Variants in VEGFA observed in about 807,000 individuals in gnomAD.
VEGFA encodes the protein vascular endothelial growth factor A.
A neutral mutation model predicts 49.7 loss-of-function variants in VEGFA; 20 were observed. The observed-to-expected ratio is 0.40, with a 90% CI of 0.28 to 0.58. The LOEUF is 0.58. VEGFA is among the 20% of genes least tolerant of loss of function. The pLI is 0.40. For synonymous variants in VEGFA, 219 were observed against 223.4 expected (o/e 0.98, Z 0.18); for missense variants, 505 against 553.5 (o/e 0.91, Z 0.88).
chr6:43,786,259 ATCTC>A lies in VEGFA; in HGVS notation c.*1702_*1705del, dbSNP rs1335108170. ...AAAAATAGAGAATTCTACATACTAA[ATCTC>A]TCTCCTTTTTTAATTTTAATATTTG... On this transcript the variant is annotated 3_prime_UTR_variant, in exon 8 of 8. Transcript: ENST00000672860. 2.8e-5 allele frequency: 5 copies of A among 178,672 alleles called. No homozygotes were observed. Among genetic ancestry groups the A allele is most frequent in the Admixed American group, 6.3e-5 (1 of 15,842 alleles). The allele number at this position is 178,672 out of a possible 1,614,324, so 11.1% of individuals were successfully genotyped here.
rs373621364 is a variant in VEGFA, at chr6:43,778,860, G to T, written c.933-29G>T. 6 of 1,613,604 alleles carry T rather than the reference G, an allele frequency of 3.7e-6. No individual in the cohort carries two copies. The African/African-American group carries it at 6.7e-5, about 18-fold the overall frequency. On this transcript the variant is annotated intron_variant, in intron 4 of 7. Coordinates refer to ENST00000672860, the MANE Select transcript of VEGFA (RefSeq NM_003376.6). ...CACCATCTTAACCCTTCCCTGTTTT[G>T]CTCTTTTCTCTCTCCCTACCCATTG...
rs1765975925 is a variant in VEGFA at position 43,777,893 on chromosome 6, A to G, written c.855+228A>G. 5.1e-6 allele frequency: 3 copies of G among 590,500 alleles called. No homozygotes were observed. Among genetic ancestry groups the G allele is most frequent in the South Asian group, 4.0e-5 (2 of 49,772 alleles). The allele number at this position is 590,500 out of a possible 1,614,324, so 36.6% of individuals were successfully genotyped here. A position where few individuals can be genotyped will look rare whatever the true frequency, so the allele number is the denominator to read the frequency against. On this transcript the variant is annotated intron_variant, in intron 3 of 7. Transcript: ENST00000672860. The surrounding 1 kb of genome is among the most constrained non-coding windows in gnomAD (Gnocchi z 4.3). ...ATCTCCTTCTCCCTGATGGTTGCCC[A>G]TGGGCTCAGGAGGGGACAGATGGAT...
chr6:43,781,870 A>G, intron 6 of VEGFA, 86 bp from the exon 7 acceptor site: 4 of 1,549,158 alleles, frequency 2.6e-6, no homozygotes, highest in Middle Eastern at 3.4e-4. Context: ...AGCTGCGGAC[A>G]TGTTAGGGGG....
intron 5 of VEGFA, 84 bp from the exon 6 acceptor site, chr6:43,780,647 TC>T: frequency 6.4e-7 from 1 of 1,563,416 alleles, no homozygotes; most frequent in East Asian, 2.3e-5. Flanking sequence ...CTTTGGTCGT[TC>T]CCCCATCCCT....
At chr6:43,771,373 C>G in intron 1 of VEGFA, 61 bp downstream of exon 1, 1 of 1,556,138 alleles carries the variant, frequency 6.4e-7, no homozygotes, top group East Asian at 2.4e-5. Context: ...CGGCTGGGGA[C>G]GTGCGTGCGA....
intron 5 of VEGFA, 36 bp from the exon 6 acceptor site, chr6:43,780,696 C>CCCCCCCCT: frequency 6.2e-7 from 1 of 1,608,432 alleles, no homozygotes; most frequent in Non-Finnish European, 8.5e-7. Flanking sequence ...CCCACCGCCC[C>CCCCCCCCT]CGCTCTCTCT....
chr6:43,778,214 G>A, intron 3 of VEGFA: 2 of 587,690 alleles, frequency 3.4e-6, no homozygotes, highest in South Asian at 3.9e-5. Context: ...TTCCCAGCCT[G>A]GCCAACCCTT....
rs748710411 is a variant in VEGFA, at chr6:43,771,227, C to T, written c.521C>T (p.Pro174Leu). 6.2e-6 allele frequency: 10 copies of T among 1,605,524 alleles called. No homozygotes were observed. The highest frequency in any genetic ancestry group is 7.6e-6 in the Non-Finnish European group (9 of 1,177,156). The stretch of plus-strand genomic sequence containing the variant: ...AGAGGGAGCGCGAGCCGCGCCGGCC[C>T]CGGTCGGGCCTCCGAAACCATGAAC... The change falls in exon 1 of 8, where the codon CCC becomes CTC. Residue 174 changes from proline to leucine, a missense_variant. Transcript: ENST00000672860.
Position 43,784,866 on chromosome 6 carries a change from TAG to T in VEGFA, c.*309_*310del. ...TGCTAAATCACCGAGCCCGGAAGAT[TAG>T]AGAGTTTTATTTCTGGGATTCCTGT... On this transcript the variant is annotated 3_prime_UTR_variant, in exon 8 of 8. Coordinates refer to ENST00000672860, the MANE Select transcript of VEGFA (RefSeq NM_003376.6). 2 of 554,822 alleles carry T rather than the reference TAG, an allele frequency of 3.6e-6. No individual in the cohort carries two copies. Among genetic ancestry groups the T allele is most frequent in the South Asian group, 2.1e-5 (1 of 47,986 alleles). 34.4% of individuals were successfully genotyped at this position (554,822 alleles called of 1,614,324 possible). A position where few individuals can be genotyped will look rare whatever the true frequency, so the allele number is the denominator to read the frequency against.
chr6:43,784,810 G>A lies in VEGFA; in HGVS notation c.*248G>A, dbSNP rs1335433160. The A allele has an allele frequency of 4.6e-6, 3 of 656,870 alleles. No individual in the cohort carries two copies. Among genetic ancestry groups the A allele is most frequent in the Non-Finnish European group, 8.2e-6 (3 of 364,452 alleles). The allele number at this position is 656,870 out of a possible 1,614,324, so 40.7% of individuals were successfully genotyped here. A position where few individuals can be genotyped will look rare whatever the true frequency, so the allele number is the denominator to read the frequency against. On this transcript the variant is annotated 3_prime_UTR_variant, in exon 8 of 8. Coordinates refer to ENST00000672860, the MANE Select transcript of VEGFA (RefSeq NM_003376.6). Reference sequence around the variant, plus strand: ...CGGGTGACCCAGCACGGTCCCTCTTGGAATTGGATTCGCCATTTTATTTTT... The same window carrying A: ...CGGGTGACCCAGCACGGTCCCTCTTAGAATTGGATTCGCCATTTTATTTTT...
chr6:43,780,106 G>A, intron 5 of VEGFA: 1 of 214,732 alleles, frequency 4.7e-6, no homozygotes. Context: ...ACCCAGCCCT[G>A]CCTCCCAGTC....
chr6:43,784,796 G>A lies in VEGFA; in HGVS notation c.*234G>A. On this transcript the variant is annotated 3_prime_UTR_variant, in exon 8 of 8. Transcript: ENST00000672860. ...GAAGCATTCCCGGGCGGGTGACCCAGCACGGTCCCTCTTGGAATTGGATTC... is the reference window on the plus strand; with the variant it reads ...GAAGCATTCCCGGGCGGGTGACCCAACACGGTCCCTCTTGGAATTGGATTC... 1.4e-6 allele frequency: 1 copy of A among 706,304 alleles called. No individual in the cohort carries two copies. 43.8% of individuals were successfully genotyped at this position (706,304 alleles called of 1,614,324 possible). A position where few individuals can be genotyped will look rare whatever the true frequency, so the allele number is the denominator to read the frequency against.
In VEGFA at chr6:43,777,771, T is replaced by C; in HGVS notation, c.855+106T>C. Reference sequence around the variant, plus strand: ...CCTGGCTAGATTTGCCTTGTCTGGCTCCTGCCCCTGAGTTGCACAGGGGAG... The same window carrying C: ...CCTGGCTAGATTTGCCTTGTCTGGCCCCTGCCCCTGAGTTGCACAGGGGAG... On this transcript the variant is annotated intron_variant, in intron 3 of 7. Transcript: ENST00000672860. The surrounding 1 kb of genome is among the most constrained non-coding windows in gnomAD (Gnocchi z 4.3). 1.6e-6 allele frequency: 2 copies of C among 1,282,596 alleles called. No individual in the cohort carries two copies. The highest frequency in any genetic ancestry group is 2.8e-5 in the South Asian group (2 of 71,412). The allele number at this position is 1,282,596 out of a possible 1,614,324, so 79.5% of individuals were successfully genotyped here.
chr6:43,772,776 G>A (rs191003050), intron 1 of VEGFA, among the ~76,000 whole-genome samples: 112 of 152,298 alleles, frequency 7.4e-4, no homozygotes, highest in Admixed American at 4.9e-3. Context: ...GACAGGGGTC[G>A]CTGCTAACAC....
In VEGFA at chr6:43,780,802, G is replaced by A. The variant is rs367571103; in HGVS notation, c.1033G>A (p.Val345Ile). 9.9e-6 allele frequency: 16 copies of A among 1,613,906 alleles called. No homozygotes were observed. The highest frequency in any genetic ancestry group is 3.3e-5 in the South Asian group (3 of 91,074). The change falls in exon 6 of 8, where the codon GTT (valine) becomes ATT (isoleucine). Residue 345 changes from valine (V) to isoleucine (I), a missense_variant and splice_region_variant. Val to Ile is a conservative substitution (Grantham distance 29). Transcript: ENST00000672860. Reference sequence around the variant, plus strand: ...GAAATCCCGGTATAAGTCCTGGAGCGTGTACGTTGGTGCCCGCTGCTGTCT... The same window carrying A: ...GAAATCCCGGTATAAGTCCTGGAGCATGTACGTTGGTGCCCGCTGCTGTCT...
chr6:43,782,071 A>AG lies in VEGFA; in HGVS notation c.1150_1151insG (p.Asn384ArgfsTer8). ...TTGCAAGGCGAGGCAGCTTGAGTTA[A>AG]ACGAACGTACTTGCAGGTTGGTTCC... On this transcript the variant is annotated frameshift_variant, in exon 7 of 8. Coordinates refer to ENST00000672860, the MANE Select transcript of VEGFA (RefSeq NM_003376.6). LOFTEE classifies it high-confidence loss of function. The AG allele has an allele frequency of 6.2e-7, 1 of 1,613,960 alleles. No homozygotes were observed. Among genetic ancestry groups the AG allele is most frequent in the Non-Finnish European group, 8.5e-7 (1 of 1,179,988 alleles).
intron 2 of VEGFA, chr6:43,775,693 G>A (rs1019813022): frequency 2.0e-5 from 3 of 152,190 alleles, no homozygotes; most frequent in African/African-American, 7.2e-5. Context: ...CTCCCCTATC[G>A]ACTTGGCTTT....
Position 43,778,888 on chromosome 6 carries a change from G to C in VEGFA, c.933-1G>C. The C allele has an allele frequency of 6.2e-7, 1 of 1,614,144 alleles. No individual in the cohort carries two copies. Among genetic ancestry groups the C allele is most frequent in the Non-Finnish European group, 8.5e-7 (1 of 1,180,036 alleles). On this transcript the variant is annotated splice_acceptor_variant, in intron 4 of 7. Coordinates refer to ENST00000672860, the MANE Select transcript of VEGFA (RefSeq NM_003376.6). LOFTEE classifies it high-confidence loss of function. ...CTTTTCTCTCTCCCTACCCATTGCA[G>C]ACCAAAGAAAGATAGAGCAAGACAA... is the stretch of plus-strand genomic sequence containing the variant.
chr6:43,774,477 G>C, intron 2 of VEGFA, 85 bp downstream of exon 2: 1 of 1,467,476 alleles, frequency 6.8e-7, no homozygotes, highest in East Asian at 2.3e-5. Context: ...TCAGAACTGT[G>C]GGGAGGAAGG....
Sources: gnomAD v4.1 joint callset for allele counts (sites outside exome capture counted in the v4.1 genomes callset) on GRCh38, gnomAD v4.1.1 for gene constraint, Gnocchi (gnomAD v3.1) non-coding constraint, MANE v1.5 for transcripts, NCBI Gene and HGNC (gene_info 2026-07-23, HGNC 2026-07-21) for gene names.